The following NBEA variants were observed in gnomAD, a reference collection of about 807,000 sequenced individuals.
NBEA encodes lysosomal-trafficking regulator 2.
A neutral mutation model predicts 343.4 loss-of-function variants in NBEA; 44 were observed. The observed-to-expected ratio is 0.13, with a 90% CI of 0.10 to 0.16. The LOEUF (loss-of-function observed/expected upper bound fraction) is 0.16. Among genes scored for constraint, NBEA ranks in the 10% least tolerant of loss-of-function variants. The pLI, the probability that NBEA is intolerant of heterozygous loss-of-function variation, is 1.00. For synonymous variants in NBEA, 1,175 were observed against 1,238.7 expected, an observed-to-expected ratio of 0.95 and a Z score of 1.08; for missense variants, 2,555 against 3,631.3, an observed-to-expected ratio of 0.70 and a Z score of 7.62.
At chr13:35,238,671 G>C (rs767164441) in intron 34 of NBEA, among the ~76,000 whole-genome samples, 5 of 152,130 alleles carry the variant, frequency 3.3e-5, no homozygotes, top group Non-Finnish European at 5.9e-5. Flanking sequence ...AGGTGTCTGA[G>C]ATACATGAGG....
chr13:35,533,717 T>C (rs2078385685), intron 41 of NBEA, among the ~76,000 whole-genome samples: 1 of 152,068 alleles, frequency 6.6e-6, no homozygotes, highest in Non-Finnish European at 1.5e-5. Context: ...CTTTATAAAT[T>C]AGTTAGCCAA....
chr13:35,006,811 G>T lies in NBEA; in HGVS notation c.295-34122G>T, dbSNP rs1593440110. 2.6e-5 allele frequency among the ~76,000 whole-genome samples: 4 copies of T among 152,260 alleles called. 1 individual carries two copies. The highest frequency in any genetic ancestry group is 9.6e-5 in the African/African-American group (4 of 41,546). On this transcript the variant is annotated intron_variant, in intron 1 of 58. Coordinates refer to ENST00000379939, the MANE Select transcript of NBEA (RefSeq NM_001385012.1). ...TGCCCAGGCCAGGCTGGAGTGCAGTGGCACGATCTTGGCTTACTGCAACCT... is the reference window on the plus strand; with the variant it reads ...TGCCCAGGCCAGGCTGGAGTGCAGTTGCACGATCTTGGCTTACTGCAACCT...
intron 33 of NBEA, among the ~76,000 whole-genome samples, chr13:35,218,390 T>G (rs769300201): frequency 3.9e-5 from 6 of 152,106 alleles, no homozygotes; most frequent in Non-Finnish European, 8.8e-5. Context: ...TCCTAATTAT[T>G]TTTCTATAGA....
intron 38 of NBEA, among the ~76,000 whole-genome samples, chr13:35,359,113 G>T (rs118099613): frequency 6.1e-4 from 93 of 152,270 alleles, no homozygotes; most frequent in Non-Finnish European, 1.1e-3. Context: ...GAAAAGCAAA[G>T]AAGTATTTGA....
At chr13:35,109,178 A>ATATTTAT in intron 11 of NBEA, 112 bp from the exon 12 acceptor site, 2 of 899,806 alleles carry the variant, frequency 2.2e-6, no homozygotes, top group Admixed American at 6.6e-5. Context: ...TGTTTATTTC[A>ATATTTAT]TATTTATTAG....
intron 38 of NBEA, among the ~76,000 whole-genome samples, chr13:35,397,983 T>A (rs552867913): frequency 1.3e-5 from 2 of 152,290 alleles, no homozygotes; most frequent in East Asian, 3.9e-4. Flanking sequence ...CAGTATGTGA[T>A]GCTGTTTGAT....
intron 41 of NBEA, among the ~76,000 whole-genome samples, chr13:35,488,609 A>C (rs1319743654): frequency 6.6e-6 from 1 of 151,980 alleles, no homozygotes; most frequent in Non-Finnish European, 1.5e-5. Context: ...AATCACCAAC[A>C]TATTGATCTA....
At chr13:35,006,571 C>G (rs1313970921) in intron 1 of NBEA, among the ~76,000 whole-genome samples, 4 of 152,094 alleles carry the variant, frequency 2.6e-5, no homozygotes, top group African/African-American at 4.8e-5. Context: ...TCCTGCATGT[C>G]TAAGCTTCCA....
chr13:35,055,780 G>T (rs1212704877), intron 6 of NBEA, among the ~76,000 whole-genome samples: 1 of 152,066 alleles, frequency 6.6e-6, no homozygotes, highest in African/African-American at 2.4e-5. Context: ...GGAACGTCAC[G>T]CTGGAGGTCA....
At chr13:35,242,536 C>T (rs1223667861) in intron 34 of NBEA, among the ~76,000 whole-genome samples, 2 of 151,856 alleles carry the variant, frequency 1.3e-5, no homozygotes, top group Non-Finnish European at 3.0e-5. Context: ...AGGAATCAGA[C>T]ATACGAACTG....
intron 10 of NBEA, among the ~76,000 whole-genome samples, chr13:35,087,438 G>A (rs146567392): frequency 9.8e-4 from 149 of 151,906 alleles, no homozygotes; most frequent in Non-Finnish European, 3.4e-4. Flanking sequence ...GAAGTGGAAG[G>A]GATTACAGCT....
chr13:35,258,231 G>C (rs1157791191), intron 34 of NBEA, among the ~76,000 whole-genome samples: 1 of 150,204 alleles, frequency 6.7e-6, no homozygotes, highest in Non-Finnish European at 1.5e-5. Flanking sequence ...GCAGTGGCGC[G>C]ATCTCCACTC....
At chr13:35,124,927 C>T (rs1335854689) in intron 17 of NBEA, among the ~76,000 whole-genome samples, 2 of 151,900 alleles carry the variant, frequency 1.3e-5, no homozygotes, top group Admixed American at 1.3e-4. Flanking sequence ...AAGATCACTT[C>T]TTTAACTTCA....
At chr13:35,479,306 TG>T (rs2076023421) in intron 41 of NBEA, among the ~76,000 whole-genome samples, 1 of 152,166 alleles carries the variant, frequency 6.6e-6, no homozygotes, top group Admixed American at 6.5e-5. Flanking sequence ...CGCCCTGGAA[TG>T]AATAATACTC....
chr13:35,307,900 G>C (rs180898813), intron 35 of NBEA, among the ~76,000 whole-genome samples: 1 of 152,140 alleles, frequency 6.6e-6, no homozygotes, highest in East Asian at 1.9e-4. Context: ...GAAATTGTTT[G>C]AAAGTTTCAG....
chr13:35,045,118 T>G, intron 3 of NBEA, 71 bp downstream of exon 3: 2 of 1,355,724 alleles, frequency 1.5e-6, no homozygotes, highest in Non-Finnish European at 2.1e-6. Context: ...AGTTTGTCTC[T>G]AGAGAGCTAT....
At chr13:35,269,475 C>T (rs1269586207) in intron 34 of NBEA, among the ~76,000 whole-genome samples, 1 of 152,106 alleles carries the variant, frequency 6.6e-6, no homozygotes, top group Admixed American at 6.5e-5. Flanking sequence ...TGCATATTCC[C>T]TCTTACTACA....
chr13:35,261,338 C>T (rs774177697), intron 34 of NBEA, among the ~76,000 whole-genome samples: 49 of 151,998 alleles, frequency 3.2e-4, no homozygotes, highest in Non-Finnish European at 8.8e-5. Flanking sequence ...ATGATGAAAC[C>T]CTGTCTCTAC....
chr13:35,603,007 A>G (rs2082123737), intron 47 of NBEA, among the ~76,000 whole-genome samples: 1 of 152,220 alleles, frequency 6.6e-6, no homozygotes, highest in Non-Finnish European at 1.5e-5. Flanking sequence ...CTATATTTAA[A>G]TTGAGCTATT....
Sources: gnomAD v4.1 joint callset for allele counts (sites outside exome capture counted in the v4.1 genomes callset) on GRCh38, gnomAD v4.1.1 for gene constraint, MANE v1.5 for transcripts, NCBI Gene and HGNC (gene_info 2026-07-23, HGNC 2026-07-21) for gene names.